IGDCC3: variants seen among roughly 807,000 people sequenced by gnomAD.
IGDCC3 encodes putative neuronal cell adhesion molecule.
In IGDCC3, 47 loss-of-function variants were observed where a neutral mutation model predicts 72.0. The ratio of observed to expected loss-of-function variants is 0.65; its 90% CI spans 0.52 to 0.83. IGDCC3 has a LOEUF of 0.83. Ranked by LOEUF, IGDCC3 falls within the 40% of genes least tolerant of loss-of-function variation. The pLI is 0.00. For missense variants in IGDCC3, 1,038 were observed against 1,091.3 expected (o/e 0.95, Z 0.69); for synonymous variants, 477 against 472.8 (o/e 1.01, Z -0.11).
intron 2 of IGDCC3, among the ~76,000 whole-genome samples, chr15:65,348,611 A>T (rs1270612750): frequency 6.6e-6 from 1 of 152,198 alleles, no homozygotes; most frequent in Non-Finnish European, 1.5e-5. Context: ...TCGGGGAGTT[A>T]GAGTCTCTCC....
In IGDCC3 at chr15:65,329,370, T is replaced by G. The variant is rs1595747812; in HGVS notation, c.2205+20A>C. Reference sequence around the variant, plus strand: ...TGTCAGAGCCTGAGGCGGGGGTTTGTTTAAGACATGGGCACTCACTGTGGG... The same window carrying G: ...TGTCAGAGCCTGAGGCGGGGGTTTGGTTAAGACATGGGCACTCACTGTGGG... On this transcript the variant is annotated intron_variant, in intron 13 of 13. Transcript: ENST00000327987. The surrounding 1 kb of genome is among the most constrained non-coding windows in gnomAD (Gnocchi z 4.1). 6.3e-7 allele frequency: 1 copy of G among 1,574,894 alleles called. No individual in the cohort carries two copies. The highest frequency in any genetic ancestry group is 8.6e-7 in the Non-Finnish European group (1 of 1,165,556).
At chr15:65,338,029 G>T (rs577165241) in intron 2 of IGDCC3, among the ~76,000 whole-genome samples, 1 of 152,310 alleles carries the variant, frequency 6.6e-6, no homozygotes, top group East Asian at 1.9e-4. Context: ...TTATCAGGGC[G>T]CTGGGGATGG....
intron 2 of IGDCC3, among the ~76,000 whole-genome samples, chr15:65,347,153 TA>T (rs1338932413): frequency 1.2e-4 from 19 of 152,208 alleles, no homozygotes; most frequent in Admixed American, 1.2e-3. Context: ...GGTGTCTGGT[TA>T]GGGGGGCCCA....
At chr15:65,345,583 C>T (rs1392456924) in intron 2 of IGDCC3, among the ~76,000 whole-genome samples, 4 of 151,610 alleles carry the variant, frequency 2.6e-5, no homozygotes, top group Non-Finnish European at 5.9e-5. Flanking sequence ...CACACACGCA[C>T]ACACACGCAT....
At chr15:65,335,721 C>T in intron 3 of IGDCC3, 91 bp downstream of exon 3, 1 of 1,460,966 alleles carries the variant, frequency 6.8e-7, no homozygotes, top group Non-Finnish European at 9.5e-7. Flanking sequence ...GCACCAACTG[C>T]AGCTCCCAGA....
chr15:65,362,892 T>C (rs1416559565), intron 2 of IGDCC3, among the ~76,000 whole-genome samples: 1 of 140,304 alleles, frequency 7.1e-6, no homozygotes, highest in Non-Finnish European at 1.5e-5. Flanking sequence ...TCTCGCTCTG[T>C]CACCCAGGCT....
intron 8 of IGDCC3, 90 bp from the exon 9 acceptor site, chr15:65,331,304 G>A: frequency 7.0e-6 from 11 of 1,567,338 alleles, no homozygotes; most frequent in South Asian, 3.6e-5. Context: ...GGTGCCCGGG[G>A]GGACAGCGGG....
At chr15:65,359,146 T>C (rs1044971446) in intron 2 of IGDCC3, among the ~76,000 whole-genome samples, 2 of 152,222 alleles carry the variant, frequency 1.3e-5, no homozygotes, top group African/African-American at 4.8e-5. Flanking sequence ...GATCTCTTCC[T>C]TTCCCAAACC....
rs1473953726 is a variant in IGDCC3, at chr15:65,327,819, A to ATC, written c.*1089_*1090insGA. The ATC allele has an allele frequency of 6.6e-6, 1 of 151,278 alleles. No homozygotes were observed. The allele number at this position is 151,278 out of a possible 1,614,324, so 9.4% of individuals were successfully genotyped here. Reference sequence around the variant, plus strand: ...CCCACACCCCCTCACCCTCCCACACACCCATCCCACACATGGTACATTCCA... The same window carrying ATC: ...CCCACACCCCCTCACCCTCCCACACATCCCCATCCCACACATGGTACATTCCA... On this transcript the variant is annotated 3_prime_UTR_variant, in exon 14 of 14. Transcript: ENST00000327987.
At chr15:65,341,560 C>G (rs1455934303) in intron 2 of IGDCC3, among the ~76,000 whole-genome samples, 3 of 152,346 alleles carry the variant, frequency 2.0e-5, no homozygotes, top group African/African-American at 7.2e-5. Flanking sequence ...AATCCTGACA[C>G]ATGCTACAAC....
rs148927277 is a variant in IGDCC3 at position 65,337,331 on chromosome 15, G to A, written c.410-1375C>T. On this transcript the variant is annotated intron_variant, in intron 2 of 13. Transcript: ENST00000327987. ...GGGAGTGTGTCTGATGGGTGTGTGC[G>A]CCTCTTTGTACATGTGTGCGGGGCT... is the stretch of plus-strand genomic sequence containing the variant. Among the ~76,000 whole-genome samples, 492 of 152,308 alleles carry A rather than the reference G, an allele frequency of 3.2e-3. 1 individual carries two copies. Among genetic ancestry groups the A allele is most frequent in the Admixed American group, 7.0e-3 (107 of 15,310 alleles).
At chr15:65,349,093 C>T (rs902679255) in intron 2 of IGDCC3, among the ~76,000 whole-genome samples, 2 of 152,092 alleles carry the variant, frequency 1.3e-5, no homozygotes, top group African/African-American at 4.8e-5. Flanking sequence ...TTACTCAGGG[C>T]GACCATCTTG....
chr15:65,350,803 G>A (rs1437765141), intron 2 of IGDCC3, among the ~76,000 whole-genome samples: 1 of 152,086 alleles, frequency 6.6e-6, no homozygotes, highest in African/African-American at 2.4e-5. Context: ...GTGTGTCCTG[G>A]GCGAGGCTCT....
intron 2 of IGDCC3, among the ~76,000 whole-genome samples, chr15:65,340,933 T>C (rs2091075551): frequency 6.6e-6 from 1 of 152,190 alleles, no homozygotes; most frequent in Non-Finnish European, 1.5e-5. Context: ...TTTGCCATGT[T>C]GGCCAGGCTG....
At chr15:65,368,160 T>TCACACACACACACA (rs57451250) in intron 2 of IGDCC3, among the ~76,000 whole-genome samples, 91 of 146,314 alleles carry the variant, frequency 6.2e-4, no homozygotes, top group African/African-American at 2.1e-3. Context: ...TCTCTTTCAC[T>TCACACACACACACA]CACACACACA....
At chr15:65,372,637 C>T (rs747473682) in intron 2 of IGDCC3, among the ~76,000 whole-genome samples, 7 of 152,028 alleles carry the variant, frequency 4.6e-5, no homozygotes, top group African/African-American at 1.2e-4. Flanking sequence ...TGTGAGTCTG[C>T]GAGGGGTGCT....
intron 2 of IGDCC3, among the ~76,000 whole-genome samples, chr15:65,350,156 G>C (rs2091160732): frequency 1.3e-5 from 2 of 152,074 alleles, no homozygotes; most frequent in South Asian, 4.2e-4. Context: ...TTTTGAGATG[G>C]AGTCTCACTC....
In IGDCC3 at chr15:65,355,046, G is replaced by C. The variant is rs377348317; in HGVS notation, c.410-19090C>G. On this transcript the variant is annotated intron_variant, in intron 2 of 13. Transcript: ENST00000327987. ...GCAAGTTCTTGGGAATCCGGACCAGGGCAGAAACTCAGCCAAGCCCCCCAA... is the reference window on the plus strand; with the variant it reads ...GCAAGTTCTTGGGAATCCGGACCAGCGCAGAAACTCAGCCAAGCCCCCCAA... 2.3e-4 allele frequency among the ~76,000 whole-genome samples: 35 copies of C among 152,328 alleles called. 2 individuals are homozygous for C. Among genetic ancestry groups the C allele is most frequent in the Middle Eastern group, 3.4e-3 (1 of 294 alleles).
chr15:65,355,327 T>TC (rs1300997373), intron 2 of IGDCC3, among the ~76,000 whole-genome samples: 8 of 151,580 alleles, frequency 5.3e-5, no homozygotes, highest in East Asian at 1.9e-4. Context: ...CAGACTCCCA[T>TC]CCCCCCCGCT....
Sources: gnomAD v4.1 joint callset for allele counts (sites outside exome capture counted in the v4.1 genomes callset) on GRCh38, gnomAD v4.1.1 for gene constraint, Gnocchi (gnomAD v3.1) non-coding constraint, MANE v1.5 for transcripts, NCBI Gene and HGNC (gene_info 2026-07-23, HGNC 2026-07-21) for gene names.